The following ACOX3 variants were observed in gnomAD, a reference collection of about 807,000 sequenced individuals.
ACOX3 encodes acyl-CoA oxidase 3, pristanoyl, also known as peroxisomal acyl-coenzyme A oxidase 3.
A neutral mutation model predicts 81.5 loss-of-function variants in ACOX3; 73 were observed. That is an observed-to-expected ratio of 0.90 (90% CI 0.74 to 1.09). ACOX3 has a LOEUF of 1.09. Ranked by LOEUF, ACOX3 falls within the 50% of genes least tolerant of loss-of-function variation. ACOX3 has a pLI of 0.00. For missense variants in ACOX3, 947 were observed against 928.0 expected (o/e 1.02, Z -0.27); for synonymous variants, 387 against 375.1 (o/e 1.03, Z -0.37).
At chr4:8,361,560 A>G (rs372262447), downstream of ACOX3, among the ~76,000 whole-genome samples, 40 of 152,052 alleles carry the variant, frequency 2.6e-4, 3 homozygotes, top group East Asian at 5.8e-3. Flanking sequence ...CAAATGGGCT[A>G]AAGTTAAAGG....
chr4:8,376,988 C>T (rs1338317215), intron 14 of ACOX3, among the ~76,000 whole-genome samples: 1 of 152,096 alleles, frequency 6.6e-6, no homozygotes, highest in Admixed American at 6.5e-5. Context: ...AGGTGTGGTG[C>T]TGCAGCTCCA....
chr4:8,410,857 C>A (rs1310231063), intron 5 of ACOX3, among the ~76,000 whole-genome samples: 2 of 152,358 alleles, frequency 1.3e-5, no homozygotes, highest in East Asian at 3.9e-4. Flanking sequence ...GCCCCGAGCA[C>A]AAGGCAGCCG....
intron 1 of ACOX3, among the ~76,000 whole-genome samples, chr4:8,426,068 C>T (rs1449366004): frequency 1.3e-5 from 2 of 152,124 alleles, no homozygotes; most frequent in Middle Eastern, 3.2e-3. Flanking sequence ...AGGACTTAGC[C>T]CATACGAAAT....
In ACOX3 at chr4:8,419,948, G is replaced by A. The variant is rs919097297; in HGVS notation, c.-14-3413C>T. Among the ~76,000 whole-genome samples the A allele has an allele frequency of 1.8e-4, 28 of 152,126 alleles. No homozygotes were observed. Among genetic ancestry groups the A allele is most frequent in the Admixed American group, 1.6e-3 (25 of 15,264 alleles). ...CCACAGTGCATCTCTAACACCTTAC[G>A]GAATCTTCTCATTTCTCTCCAGCCT... is the stretch of plus-strand genomic sequence containing the variant. On this transcript the variant is annotated intron_variant, in intron 1 of 17. Coordinates refer to ENST00000356406, the MANE Select transcript of ACOX3 (RefSeq NM_003501.3). This position sits in a 1 kb window ranked among gnomAD's most constrained non-coding sequence, Gnocchi z 4.2.
chr4:8,376,928 C>T (rs987338132), intron 14 of ACOX3, among the ~76,000 whole-genome samples: 3 of 152,094 alleles, frequency 2.0e-5, no homozygotes, highest in African/African-American at 7.2e-5. Flanking sequence ...AGGCTCCCAC[C>T]TGAGGCCTCT....
intron 8 of ACOX3, among the ~76,000 whole-genome samples, chr4:8,397,717 G>A (rs12498856): frequency 0.01 from 1,525 of 152,322 alleles, 12 homozygotes; most frequent in South Asian, 0.034. Context: ...CTTGCCACGT[G>A]ATCTGACCGT....
chr4:8,410,144 C>T lies in ACOX3; in HGVS notation c.687+68G>A, dbSNP rs1055651810. On this transcript the variant is annotated intron_variant, in intron 6 of 17. Transcript: ENST00000356406. Reference sequence around the variant, plus strand: ...CCCACCCTTGTTATGACAAAAATGACTCCAGACATTACCAGTGCTTCCTGG... The same window carrying T: ...CCCACCCTTGTTATGACAAAAATGATTCCAGACATTACCAGTGCTTCCTGG... The T allele has an allele frequency of 1.9e-6, 3 of 1,549,372 alleles. No homozygotes were observed. The African/African-American group carries it at 4.1e-5, about 21-fold the overall frequency.
At chr4:8,367,110 G>A (rs1239066514) in intron 17 of ACOX3, 30 bp from the exon 18 acceptor site, 1 of 1,606,100 alleles carries the variant, frequency 6.2e-7, no homozygotes, top group Admixed American at 1.7e-5. Flanking sequence ...AGCAAGTGAA[G>A]ACAAAGAAAT....
chr4:8,388,323 C>T (rs952950782), intron 13 of ACOX3, among the ~76,000 whole-genome samples: 3 of 152,252 alleles, frequency 2.0e-5, no homozygotes, highest in Non-Finnish European at 4.4e-5. Flanking sequence ...CTGTAAAGTC[C>T]CATGAGGGCA....
At chr4:8,438,004 G>T (rs1478933734) in intron 1 of ACOX3, among the ~76,000 whole-genome samples, 2 of 152,152 alleles carry the variant, frequency 1.3e-5, no homozygotes, top group Non-Finnish European at 2.9e-5. Flanking sequence ...ACAAAGGGGG[G>T]AAAGAAAAAG....
At chr4:8,404,363 T>TA (rs1484371461) in intron 7 of ACOX3, among the ~76,000 whole-genome samples, 1 of 151,732 alleles carries the variant, frequency 6.6e-6, no homozygotes, top group African/African-American at 2.4e-5. Flanking sequence ...TATTTTAGTA[T>TA]AAGCCAGTGA....
chr4:8,375,181 C>A (rs1006799321), intron 14 of ACOX3, 29 bp from the exon 15 acceptor site: 1 of 1,508,218 alleles, frequency 6.6e-7, no homozygotes, highest in Non-Finnish European at 8.9e-7. Context: ...CCGTGAGGAC[C>A]GTGAGGGTCC....
At chr4:8,436,280 G>A (rs1724231918) in intron 1 of ACOX3, 1 of 152,000 alleles carries the variant, frequency 6.6e-6, no homozygotes, top group Non-Finnish European at 1.5e-5. Context: ...GCTATACATG[G>A]ACGGGAGCAG....
intron 5 of ACOX3, among the ~76,000 whole-genome samples, chr4:8,413,490 C>T (rs1379783426): frequency 6.9e-6 from 1 of 145,284 alleles, no homozygotes; most frequent in Non-Finnish European, 1.5e-5. Flanking sequence ...TGTGGCCCAT[C>T]TCCCTCCACC....
At chr4:8,371,765 C>A (rs1261404304) in intron 16 of ACOX3, among the ~76,000 whole-genome samples, 17 of 152,266 alleles carry the variant, frequency 1.1e-4, no homozygotes. Flanking sequence ...CAGACAAATG[C>A]CACTGCTCCC....
At chr4:8,363,714 C>T (rs552530518), downstream of ACOX3, among the ~76,000 whole-genome samples, 77 of 152,114 alleles carry the variant, frequency 5.1e-4, no homozygotes, top group Non-Finnish European at 9.7e-4. Flanking sequence ...GCACAGGATG[C>T]AGGTCATAAA....
At chr4:8,393,625 A>ACACACACACG (rs1719309396) in intron 10 of ACOX3, among the ~76,000 whole-genome samples, 1 of 119,792 alleles carries the variant, frequency 8.3e-6, no homozygotes, top group African/African-American at 3.3e-5. Flanking sequence ...GCACACACAC[A>ACACACACACG]CACACACACA....
intron 16 of ACOX3, among the ~76,000 whole-genome samples, chr4:8,371,910 C>T (rs1716261438): frequency 6.6e-6 from 1 of 152,260 alleles, no homozygotes; most frequent in African/African-American, 2.4e-5. Flanking sequence ...AGCACAAAGG[C>T]ACCCACAGAC....
intron 1 of ACOX3, among the ~76,000 whole-genome samples, chr4:8,420,579 G>C (rs1722827773): frequency 6.6e-6 from 1 of 152,196 alleles, no homozygotes; most frequent in Admixed American, 6.5e-5. Context: ...CACAGGGGGA[G>C]GCACAATGAT....
Sources: allele counts gnomAD v4.1 joint callset (sites outside exome capture counted in the v4.1 genomes callset), GRCh38; gene constraint gnomAD v4.1.1; non-coding constraint Gnocchi (gnomAD v3.1); transcripts MANE v1.5; gene names NCBI Gene and HGNC (gene_info 2026-07-23, HGNC 2026-07-21).